NACC1: variants seen among roughly 807,000 people sequenced by gnomAD.
NACC1 encodes nucleus accumbens-associated protein 1.
A neutral mutation model predicts 41.7 loss-of-function variants in NACC1; 6 were observed. The observed-to-expected ratio is 0.14, with a 90% CI of 0.08 to 0.28. The LOEUF is 0.28. Ranked by LOEUF, NACC1 falls within the 10% of genes least tolerant of loss-of-function variation. The pLI, the probability that NACC1 is intolerant of heterozygous loss-of-function variation, is 1.00. For synonymous variants in NACC1, 338 were observed against 330.6 expected, an observed-to-expected ratio of 1.02 and a Z score of -0.24; for missense variants, 434 against 763.7, an observed-to-expected ratio of 0.57 and a Z score of 5.09.
chr19:13,136,344 C>T lies in NACC1; in HGVS notation c.1059C>T (p.Asn353=). 1.2e-6 allele frequency: 2 copies of T among 1,614,136 alleles called. No homozygotes were observed. Among genetic ancestry groups the T allele is most frequent in the African/African-American group, 1.3e-5 (1 of 75,042 alleles). ...CTGAACTTATCAACCAGATTGGGAA[C>T]CGCTGCCACCCCAAGCTCTACGACG... The part of the protein sequence containing the change: ...LPAELINQIG[N]RCHPKLYDEG... Residue 353 remains asparagine, a synonymous_variant, in exon 3 of 6, where the codon AAC becomes AAT. Transcript: ENST00000292431. This position sits in a 1 kb window ranked among gnomAD's most constrained non-coding sequence, Gnocchi z 5.5.
In NACC1 at chr19:13,137,465, C is replaced by T. The variant is rs2019723152; in HGVS notation, c.1227-13C>T. 6.2e-7 allele frequency: 1 copy of T among 1,608,510 alleles called. No individual in the cohort carries two copies. The highest frequency in any genetic ancestry group is 2.3e-5 in the East Asian group (1 of 44,228). On this transcript the variant is annotated splice_polypyrimidine_tract_variant and intron_variant, in intron 4 of 5. Transcript: ENST00000292431. The surrounding 1 kb of genome is among the most constrained non-coding windows in gnomAD (Gnocchi z 6.1). ...ACTTGAGCGCTGACTCCCTCCATGT[C>T]CCCTGCCCCCAGGAACACGCTGGCC...
At position 13,136,316 on chromosome 19, in the gene NACC1, C is replaced by T. The variant is rs1189438300; in HGVS notation, c.1031C>T (p.Pro344Leu). 1.2e-6 allele frequency: 2 copies of T among 1,614,092 alleles called. No homozygotes were observed. Among genetic ancestry groups the T allele is most frequent in the Non-Finnish European group, 8.5e-7 (1 of 1,180,016 alleles). ...GTTCGGCAAGACCTGGCGTCTCTCC[C>T]GGCTGAACTTATCAACCAGATTGGG... The part of the protein sequence containing the change: ...IRVRQDLASL[P>L]AELINQIGNR... Residue 344 changes from proline to leucine, a missense_variant, in exon 3 of 6, where the codon CCG (proline) becomes CTG (leucine). Physicochemically the swap from Pro to Leu is moderately conservative, Grantham distance 98. Transcript: ENST00000292431. This position sits in a 1 kb window ranked among gnomAD's most constrained non-coding sequence, Gnocchi z 5.5.
chr19:13,130,719 A>G (rs939112192), intron 1 of NACC1, among the ~76,000 whole-genome samples: 1 of 151,918 alleles, frequency 6.6e-6, no homozygotes, highest in Non-Finnish European at 1.5e-5. Flanking sequence ...TATTTTTAGT[A>G]GAGACGGGGT....
chr19:13,132,554 T>A (rs1482502329), intron 1 of NACC1: 1 of 152,148 alleles, frequency 6.6e-6, no homozygotes, highest in African/African-American at 2.4e-5. Context: ...CCTCAGTTTT[T>A]CCAGCTTTGC....
Position 13,133,225 on chromosome 19 carries a change from C to T in NACC1, c.-8-1975C>T, listed in dbSNP as rs76676846. Among the ~76,000 whole-genome samples the T allele has an allele frequency of 3.2e-4, 48 of 152,252 alleles. 1 individual carries two copies. The highest frequency in any genetic ancestry group is 2.7e-3 in the East Asian group (14 of 5,184). On this transcript the variant is annotated intron_variant, in intron 1 of 5. Transcript: ENST00000292431. The stretch of plus-strand genomic sequence containing the variant: ...TCTGCCTTACTCAGGGAAGCCTTCT[C>T]ACTCGCACTCTGCCCAGTTAGGACC...
At position 13,139,002 on chromosome 19, in the gene NACC1, C is replaced by T. The variant is rs1025015342; in HGVS notation, c.*596C>T. 2.6e-5 allele frequency: 4 copies of T among 153,374 alleles called. No homozygotes were observed. The highest frequency in any genetic ancestry group is 4.8e-5 in the African/African-American group (2 of 41,382). The allele number at this position is 153,374 out of a possible 1,614,324, so 9.5% of individuals were successfully genotyped here. On this transcript the variant is annotated 3_prime_UTR_variant, in exon 6 of 6. Coordinates refer to ENST00000292431, the MANE Select transcript of NACC1 (RefSeq NM_052876.4). ...AATTGCACAACCGACCTCAGGTGGCCGGCAGTGGCGTGCCTGGTGCCCTTT... is the reference window on the plus strand; with the variant it reads ...AATTGCACAACCGACCTCAGGTGGCTGGCAGTGGCGTGCCTGGTGCCCTTT...
At position 13,139,681 on chromosome 19, in the gene NACC1, T is replaced by TGGGAA. The variant is rs1555722998; in HGVS notation, c.*1278_*1279insAAGGG. ...TTGGCTGGGCCCAGCTCCTGGGGGC[T>TGGGAA]GGGCAGGGCAGGGCAGGGCCGGGTC... On this transcript the variant is annotated 3_prime_UTR_variant, in exon 6 of 6. Transcript: ENST00000292431. 2.0e-5 allele frequency: 3 copies of TGGGAA among 152,530 alleles called. No individual in the cohort carries two copies. The highest frequency in any genetic ancestry group is 4.8e-5 in the African/African-American group (2 of 41,554). The allele number at this position is 152,530 out of a possible 1,614,324, so 9.4% of individuals were successfully genotyped here.
chr19:13,120,086 C>T (rs554550699), intron 1 of NACC1, among the ~76,000 whole-genome samples: 2 of 152,324 alleles, frequency 1.3e-5, no homozygotes, highest in Admixed American at 6.5e-5. Context: ...TTCCCTTCTG[C>T]TCACCCCGGG....
At chr19:13,119,441 C>T (rs538569727) in intron 1 of NACC1, among the ~76,000 whole-genome samples, 1 of 152,250 alleles carries the variant, frequency 6.6e-6, no homozygotes, top group African/African-American at 2.4e-5. Context: ...CCCTTGCCCA[C>T]CCCCACCTTA....
chr19:13,126,107 G>A (rs547206137), intron 1 of NACC1, among the ~76,000 whole-genome samples: 2 of 150,676 alleles, frequency 1.3e-5, no homozygotes, highest in East Asian at 3.9e-4. Context: ...GCATTGGCCC[G>A]ATCTCGGCTC....
At chr19:13,128,276 T>A (rs762857937) in intron 1 of NACC1, among the ~76,000 whole-genome samples, 6 of 152,124 alleles carry the variant, frequency 3.9e-5, no homozygotes, top group Non-Finnish European at 7.3e-5. Context: ...CAACAAAATA[T>A]CACAGACTGG....
Position 13,129,857 on chromosome 19 carries a change from T to C in NACC1, c.-8-5343T>C, listed in dbSNP as rs1332127609. On this transcript the variant is annotated intron_variant, in intron 1 of 5. Transcript: ENST00000292431. ...CTATTATCCCCGTAACCTTTCAGTC[T>C]CCATTGCCAAATGGGGGGGTTCAAG... Among the ~76,000 whole-genome samples the C allele has an allele frequency of 3.3e-5, 5 of 151,490 alleles. No homozygotes were observed. The East Asian group carries it at 9.7e-4, about 29-fold the overall frequency.
upstream of NACC1, chr19:13,118,120 G>A (rs754624220): frequency 6.6e-6 from 1 of 152,094 alleles, no homozygotes; most frequent in Non-Finnish European, 1.5e-5. Context: ...GCATAGAGAG[G>A]AGACGGAGCC....
Position 13,118,380 on chromosome 19 carries a change from G to T in NACC1, c.-83G>T, listed in dbSNP as rs2019429549. ...CCGAGGCCCCGGCGCAGCGGGGCGC[G>T]CCCCGGGCCCAGGCCCGGCCCCAGC... On this transcript the variant is annotated 5_prime_UTR_variant, in exon 1 of 6. Coordinates refer to ENST00000292431, the MANE Select transcript of NACC1 (RefSeq NM_052876.4). 1 of 146,706 alleles carries T rather than the reference G, an allele frequency of 6.8e-6. No individual in the cohort carries two copies. The highest frequency in any genetic ancestry group is 2.1e-4 in the South Asian group (1 of 4,830). 9.1% of individuals were successfully genotyped at this position (146,706 alleles called of 1,614,324 possible).
rs755483144 is a variant in NACC1, at chr19:13,136,328, T to C, written c.1043T>C (p.Ile348Thr). 1 of 1,613,908 alleles carries C rather than the reference T, an allele frequency of 6.2e-7. No individual in the cohort carries two copies. The stretch of plus-strand genomic sequence containing the variant: ...CTGGCGTCTCTCCCGGCTGAACTTA[T>C]CAACCAGATTGGGAACCGCTGCCAC... The part of the protein sequence containing the change: ...QDLASLPAEL[I>T]NQIGNRCHPK... The change falls in exon 3 of 6, where the codon ATC becomes ACC. Residue 348 changes from isoleucine to threonine, a missense_variant. This residue lies in a region of NACC1 where 70 missense variants were observed against 206.9 expected (regional missense o/e 0.34). Transcript: ENST00000292431. This position sits in a 1 kb window ranked among gnomAD's most constrained non-coding sequence, Gnocchi z 5.5.
chr19:13,137,219 G>A lies in NACC1; in HGVS notation c.1121-52G>A. ...TGAGATGAGGCCTGGTATCATGGGG[G>A]CTGTGGCGGTTTGGGGGCACCCCAG... On this transcript the variant is annotated intron_variant, in intron 3 of 5. Coordinates refer to ENST00000292431, the MANE Select transcript of NACC1 (RefSeq NM_052876.4). The surrounding 1 kb of genome is among the most constrained non-coding windows in gnomAD (Gnocchi z 6.1). 1.3e-6 allele frequency: 2 copies of A among 1,553,078 alleles called. No individual in the cohort carries two copies. Among genetic ancestry groups the A allele is most frequent in the East Asian group, 2.3e-5 (1 of 43,952 alleles).
chr19:13,117,138 C>G (rs539181094), upstream of NACC1: 1 of 152,334 alleles, frequency 6.6e-6, no homozygotes, highest in South Asian at 2.1e-4. Context: ...CGTGGTTTCT[C>G]AGATAGAGCA....
intron 1 of NACC1, among the ~76,000 whole-genome samples, chr19:13,125,607 A>G (rs1330177481): frequency 6.6e-6 from 1 of 151,726 alleles, no homozygotes; most frequent in Non-Finnish European, 1.5e-5. Flanking sequence ...TTTAGTAGAG[A>G]CGGGGTTTCA....
At chr19:13,122,184 G>A (rs1017817446) in intron 1 of NACC1, among the ~76,000 whole-genome samples, 4 of 152,208 alleles carry the variant, frequency 2.6e-5, no homozygotes, top group African/African-American at 9.7e-5. Flanking sequence ...GCCTTCTCAT[G>A]TGCTGCCTCC....
Sources: gnomAD v4.1 joint callset for allele counts (sites outside exome capture counted in the v4.1 genomes callset) on GRCh38, gnomAD v4.1.1 for gene constraint, gnomAD v4.1.1 regional missense constraint, Gnocchi (gnomAD v3.1) non-coding constraint, MANE v1.5 for transcripts, NCBI Gene and HGNC (gene_info 2026-07-23, HGNC 2026-07-21) for gene names.